The following TRIM37 variants were observed in gnomAD, a reference collection of about 807,000 sequenced individuals.
The protein encoded by TRIM37 is E3 ubiquitin-protein ligase TRIM37.
A neutral mutation model predicts 129.8 loss-of-function variants in TRIM37; 80 were observed. That is an observed-to-expected ratio of 0.62 (90% CI 0.51 to 0.74). The LOEUF (loss-of-function observed/expected upper bound fraction) is 0.74, where lower values mean the gene tolerates loss of function less well. Among genes scored for constraint, TRIM37 ranks in the 30% least tolerant of loss-of-function variants. TRIM37 has a pLI of 0.00. For synonymous variants in TRIM37, 389 were observed against 387.1 expected (o/e 1.00, Z -0.06); for missense variants, 1,054 against 1,176.5 (o/e 0.90, Z 1.52).
chr17:59,018,795 CA>C (rs2036247398), intron 19 of TRIM37, among the ~76,000 whole-genome samples: 2 of 151,774 alleles, frequency 1.3e-5, no homozygotes, highest in Non-Finnish European at 2.9e-5. Context: ...CCACAATACC[CA>C]AAACAATCTT....
rs571723414 is a variant in TRIM37, at chr17:58,998,687, G to T, written c.*690C>A. The stretch of plus-strand genomic sequence containing the variant: ...GAAAGAATTTTAAATAATCTTACAC[G>T]TGTCTACAGGGCCAGGAACGTAATG... On this transcript the variant is annotated 3_prime_UTR_variant, in exon 24 of 24. Coordinates refer to ENST00000262294, the MANE Select transcript of TRIM37 (RefSeq NM_015294.6). 22 of 985,368 alleles carry T rather than the reference G, an allele frequency of 2.2e-5. No homozygotes were observed. The South Asian group carries it at 6.6e-4, about 29-fold the overall frequency. 61.0% of individuals were successfully genotyped at this position (985,368 alleles called of 1,614,324 possible).
intron 13 of TRIM37, among the ~76,000 whole-genome samples, chr17:59,053,673 G>A (rs1215586568): frequency 6.6e-6 from 1 of 152,160 alleles, no homozygotes; most frequent in Non-Finnish European, 1.5e-5. Context: ...TGGTAAAATT[G>A]ATGTTTGAAT....
At chr17:59,038,024 T>C (rs560417106) in intron 17 of TRIM37, among the ~76,000 whole-genome samples, 28 of 152,286 alleles carry the variant, frequency 1.8e-4, no homozygotes, top group African/African-American at 5.8e-4. Context: ...TAAAGTACCA[T>C]TGTCAACATA....
At chr17:59,002,566 T>C (rs533406747) in intron 22 of TRIM37, among the ~76,000 whole-genome samples, 1 of 152,178 alleles carries the variant, frequency 6.6e-6, no homozygotes, top group Non-Finnish European at 1.5e-5. Context: ...AGAATAATTC[T>C]ATAAAAAGTA....
chr17:58,993,579 G>C (rs1299263319), downstream of TRIM37, among the ~76,000 whole-genome samples: 1 of 152,180 alleles, frequency 6.6e-6, no homozygotes, highest in East Asian at 1.9e-4. Flanking sequence ...AAAACTAAAA[G>C]GGCAGAGAAC....
At chr17:58,969,487 T>C in the TRIM37 span, 1 of 1,564,074 alleles carries the variant, frequency 6.4e-7, no homozygotes, top group Admixed American at 1.7e-5. Flanking sequence ...ATTGGTTCAT[T>C]TGAATCATGC....
chr17:59,093,893 A>G (rs1485974831), intron 2 of TRIM37, among the ~76,000 whole-genome samples: 5 of 151,700 alleles, frequency 3.3e-5, no homozygotes, highest in African/African-American at 1.2e-4. Flanking sequence ...TCCACAATCT[A>G]ATTTATTTAT....
intron 17 of TRIM37, 80 bp from the exon 18 acceptor site, chr17:59,032,170 T>C: frequency 1.5e-6 from 2 of 1,353,474 alleles, no homozygotes; most frequent in Non-Finnish European, 2.1e-6. Flanking sequence ...TGGTTAACAT[T>C]ATATGAATAC....
chr17:58,987,488 A>G (rs2031926485), intron 24 of TRIM37, among the ~76,000 whole-genome samples: 1 of 152,220 alleles, frequency 6.6e-6, no homozygotes, highest in Non-Finnish European at 1.5e-5. Flanking sequence ...CATGCCAGCC[A>G]GAGAAAAGGA....
chr17:59,078,435 T>C (rs893494414), intron 7 of TRIM37, among the ~76,000 whole-genome samples: 1 of 152,198 alleles, frequency 6.6e-6, no homozygotes, highest in African/African-American at 2.4e-5. Flanking sequence ...GTGGTATTAT[T>C]TGACTTTTAG....
At chr17:59,079,491 C>G (rs1392012339) in intron 7 of TRIM37, among the ~76,000 whole-genome samples, 4 of 152,102 alleles carry the variant, frequency 2.6e-5, no homozygotes, top group Admixed American at 2.0e-4. Flanking sequence ...GAAAAAGCTA[C>G]CTAACAATGA....
intron 2 of TRIM37, among the ~76,000 whole-genome samples, chr17:59,092,663 A>G (rs1442492697): frequency 3.3e-5 from 5 of 152,184 alleles, no homozygotes. Flanking sequence ...AAATAGGTTC[A>G]GAGGTAAATA....
At position 59,078,211 on chromosome 17, in the gene TRIM37, A is replaced by G. The variant is rs180728174; in HGVS notation, c.616+1543T>C. Among the ~76,000 whole-genome samples the G allele has an allele frequency of 1.6e-4, 24 of 152,326 alleles. No individual in the cohort carries two copies. In the East Asian group the frequency reaches 4.4e-3, roughly 28 times the overall value. On this transcript the variant is annotated intron_variant, in intron 7 of 23. Coordinates refer to ENST00000262294, the MANE Select transcript of TRIM37 (RefSeq NM_015294.6). ...AGGCTTATAAGACTATTCTAAAGAT[A>G]AACTAACCCTGAAAATATCCTTTTC...
At position 59,106,720 on chromosome 17, in the gene TRIM37, C is replaced by T; in HGVS notation, c.-259G>A. 1 of 578,146 alleles carries T rather than the reference C, an allele frequency of 1.7e-6. No individual in the cohort carries two copies. The highest frequency in any genetic ancestry group is 3.1e-6 in the Non-Finnish European group (1 of 325,440). 35.8% of individuals were successfully genotyped at this position (578,146 alleles called of 1,614,324 possible). ...GGTGGCCGCAGCTCCTTTCTCCCGG[C>T]TCAGCCGCCGGCCAGCAGCCGCGCC... On this transcript the variant is annotated 5_prime_UTR_variant, in exon 1 of 24. Transcript: ENST00000262294.
At position 59,031,932 on chromosome 17, in the gene TRIM37, G is replaced by A; in HGVS notation, c.1912C>T (p.Gln638Ter). The A allele has an allele frequency of 4.3e-6, 7 of 1,614,100 alleles. No individual in the cohort carries two copies. The highest frequency in any genetic ancestry group is 5.9e-6 in the Non-Finnish European group (7 of 1,179,988). Residue 638 changes from glutamine to a stop codon, truncating the protein, a stop_gained, in exon 18 of 24, where the codon CAG becomes TAG. Coordinates refer to ENST00000262294, the MANE Select transcript of TRIM37 (RefSeq NM_015294.6). LOFTEE classifies it high-confidence loss of function. ...AGAAGTGAAGCAGGTGGGCGAGGCT[G>A]TAAGCCCCACAAATTTTCTATACTG... ...RSSIENLWGL[Q>*]PRPPASLLQP...
chr17:59,059,000 A>G (rs1221004588), intron 12 of TRIM37, among the ~76,000 whole-genome samples: 2 of 152,238 alleles, frequency 1.3e-5, no homozygotes, highest in Admixed American at 1.3e-4. Context: ...TTATCAAGAA[A>G]ATGAAAAGAA....
chr17:59,007,184 C>CTAAA lies in TRIM37; in HGVS notation c.2695+5143_2695+5144insTTTA, dbSNP rs1432821324. ...ACACACACACACACACACACACACA[C>CTAAA]ACACACACACACACACACACACTAA... On this transcript the variant is annotated intron_variant, in intron 22 of 23. Transcript: ENST00000262294. 1.7e-3 allele frequency among the ~76,000 whole-genome samples: 115 copies of CTAAA among 69,226 alleles called. 1 individual carries two copies. Among genetic ancestry groups the CTAAA allele is most frequent in the South Asian group, 2.6e-3 (4 of 1,522 alleles). The allele number at this position is 69,226 out of a possible 152,430, so 45.4% of individuals were successfully genotyped here.
At chr17:59,012,250 A>ACCAC in intron 22 of TRIM37, 78 bp downstream of exon 22, 1 of 833,792 alleles carries the variant, frequency 1.2e-6, no homozygotes, top group African/African-American at 1.7e-5. Context: ...CACCACCACC[A>ACCAC]CCACCACCCA....
rs2033839950 is a variant in TRIM37, at chr17:59,001,999, GATA to G, written c.2696-288_2696-286del. Among the ~76,000 whole-genome samples, 3 of 152,018 alleles carry G rather than the reference GATA, an allele frequency of 2.0e-5. No individual in the cohort carries two copies. In the South Asian group the frequency reaches 6.2e-4, roughly 32 times the overall value. On this transcript the variant is annotated intron_variant, in intron 22 of 23. Coordinates refer to ENST00000262294, the MANE Select transcript of TRIM37 (RefSeq NM_015294.6). The stretch of plus-strand genomic sequence containing the variant: ...AAACCAGCATTAATTTTATTATACT[GATA>G]ATACTTTTTTCCAAATCAAACACTG...
Sources: allele counts gnomAD v4.1 joint callset (sites outside exome capture counted in the v4.1 genomes callset), GRCh38; gene constraint gnomAD v4.1.1; transcripts MANE v1.5; gene names NCBI Gene and HGNC (gene_info 2026-07-23, HGNC 2026-07-21).